Variants in STXBP5 observed in about 807,000 individuals in gnomAD.
The protein encoded by STXBP5 is syntaxin-binding protein 5.
A neutral mutation model predicts 152.4 loss-of-function variants in STXBP5; 50 were observed. The observed-to-expected ratio is 0.33, with a 90% CI of 0.26 to 0.42. STXBP5 has a LOEUF of 0.42. Among genes scored for constraint, STXBP5 ranks in the 10% least tolerant of loss-of-function variants. The probability of loss-of-function intolerance (pLI) is 1.00; values close to 1 mark genes in which losing one functional copy is unlikely to be tolerated. For synonymous variants in STXBP5, 492 were observed against 494.7 expected (o/e 0.99, Z 0.07); for missense variants, 1,167 against 1,388.6 (o/e 0.84, Z 2.54).
intron 21 of STXBP5, among the ~76,000 whole-genome samples, chr6:147,347,142 G>A (rs947772078): frequency 9.8e-5 from 15 of 152,290 alleles, no homozygotes; most frequent in African/African-American, 3.6e-4. Flanking sequence ...TTAAATGCTT[G>A]CATTGGAACT....
At chr6:147,378,401 T>C (rs1015742217) in intron 26 of STXBP5, among the ~76,000 whole-genome samples, 3 of 137,524 alleles carry the variant, frequency 2.2e-5, no homozygotes, top group Non-Finnish European at 4.7e-5. Flanking sequence ...TCAAAGTTGA[T>C]TTATCATTAA....
intron 6 of STXBP5, among the ~76,000 whole-genome samples, chr6:147,263,990 T>C (rs990581293): frequency 6.6e-6 from 1 of 151,848 alleles, no homozygotes; most frequent in African/African-American, 2.4e-5. Context: ...ATCTAACTTA[T>C]AATAAAAATA....
chr6:147,342,379 ATGAATGATCC>A (rs147512318), intron 21 of STXBP5, among the ~76,000 whole-genome samples: 3,308 of 152,314 alleles, frequency 0.022, 61 homozygotes, highest in Middle Eastern at 0.068. Context: ...ACTAAATCAG[ATGAATGATCC>A]TGACAATGAC....
intron 9 of STXBP5, among the ~76,000 whole-genome samples, chr6:147,299,514 ATTAT>A (rs995897774): frequency 3.9e-5 from 6 of 152,052 alleles, no homozygotes; most frequent in Admixed American, 2.6e-4. Context: ...CGAAACCAGC[ATTAT>A]TCTCTTACCA....
intron 25 of STXBP5, among the ~76,000 whole-genome samples, chr6:147,366,624 CCT>C (rs1341548415): frequency 6.6e-6 from 1 of 152,172 alleles, no homozygotes; most frequent in Non-Finnish European, 1.5e-5. Flanking sequence ...GTCAAATCTA[CCT>C]CTCTTTCTTA....
intron 22 of STXBP5, among the ~76,000 whole-genome samples, chr6:147,357,388 C>A (rs1784863444): frequency 6.6e-6 from 1 of 151,916 alleles, no homozygotes; most frequent in Non-Finnish European, 1.5e-5. Context: ...TTATTTCTCA[C>A]AATGAACTGA....
intron 4 of STXBP5, 150 bp downstream of exon 4, chr6:147,239,420 T>C: frequency 1.6e-6 from 1 of 620,126 alleles, no homozygotes; most frequent in Non-Finnish European, 2.6e-6. Context: ...AAAGCAAGAT[T>C]CCTTCTTTTT....
At chr6:147,313,063 T>G (rs1782464493) in intron 11 of STXBP5, among the ~76,000 whole-genome samples, 1 of 152,204 alleles carries the variant, frequency 6.6e-6, no homozygotes, top group Non-Finnish European at 1.5e-5. Context: ...ATTTTATGAA[T>G]GCATGTTGTT....
intron 21 of STXBP5, among the ~76,000 whole-genome samples, chr6:147,349,747 C>T (rs1293581945): frequency 6.6e-6 from 1 of 152,146 alleles, no homozygotes; most frequent in East Asian, 1.9e-4. Flanking sequence ...TATCCCTGCC[C>T]TCTGGCACAT....
At chr6:147,320,228 A>G (rs1782852134) in intron 16 of STXBP5, among the ~76,000 whole-genome samples, 1 of 152,164 alleles carries the variant, frequency 6.6e-6, no homozygotes, top group Non-Finnish European at 1.5e-5. Flanking sequence ...AAAGATGCCA[A>G]CTAGCACAAG....
chr6:147,219,383 T>C (rs1777344521), intron 2 of STXBP5, among the ~76,000 whole-genome samples: 1 of 152,072 alleles, frequency 6.6e-6, no homozygotes, highest in Non-Finnish European at 1.5e-5. Flanking sequence ...TTAGTTTTCT[T>C]TTCTCGTAAT....
At position 147,204,529 on chromosome 6, in the gene STXBP5, G is replaced by T. The variant is rs1354752684; in HGVS notation, c.-4G>T. The stretch of plus-strand genomic sequence containing the variant: ...CCGGGCTGCGGGGGAGCCCCTCCGA[G>T]ACCATGAGGAAATTCAACATCAGGA... On this transcript the variant is annotated 5_prime_UTR_variant, in exon 1 of 28. Coordinates refer to ENST00000321680, the MANE Select transcript of STXBP5 (RefSeq NM_001127715.4). The surrounding 1 kb of genome is among the most constrained non-coding windows in gnomAD (Gnocchi z 4.3). 3.1e-6 allele frequency: 5 copies of T among 1,611,404 alleles called. No homozygotes were observed. The highest frequency in any genetic ancestry group is 1.1e-5 in the South Asian group (1 of 90,964).
At chr6:147,256,753 T>C (rs974910879) in intron 4 of STXBP5, among the ~76,000 whole-genome samples, 6 of 152,188 alleles carry the variant, frequency 3.9e-5, no homozygotes, top group Non-Finnish European at 1.5e-5. Context: ...ATTACTATGA[T>C]AGGTTCCCAT....
At chr6:147,315,781 C>A in intron 15 of STXBP5, 46 bp downstream of exon 15, 1 of 1,555,560 alleles carries the variant, frequency 6.4e-7, no homozygotes. Context: ...TTTTCATCCA[C>A]ATTTTTAAAT....
intron 18 of STXBP5, chr6:147,328,868 G>T (rs1005823213): frequency 6.8e-6 from 3 of 438,156 alleles, no homozygotes; most frequent in South Asian, 5.1e-5. Flanking sequence ...TTATTAAAAC[G>T]TTCTATGTCT....
rs751681955 is a variant in STXBP5, at chr6:147,382,946, G to A, written c.3362G>A (p.Arg1121Lys). 1.1e-5 allele frequency: 17 copies of A among 1,613,348 alleles called. No individual in the cohort carries two copies. The Admixed American group carries it at 2.5e-4, about 24-fold the overall frequency. The change falls in exon 27 of 28, where the codon AGA (arginine) becomes AAA (lysine). Residue 1121 changes from arginine (R) to lysine (K), a missense_variant. Physicochemically the swap from Arg to Lys is conservative, Grantham distance 26 (BLOSUM62 2). Transcript: ENST00000321680. Reference sequence around the variant, plus strand: ...CAGAAACTTGGCGATCTGGAAGAAAGAACTGCGGCCATGTTATCAAGTGCA... The same window carrying A: ...CAGAAACTTGGCGATCTGGAAGAAAAAACTGCGGCCATGTTATCAAGTGCA... ...RGQKLGDLEE[R>K]TAAMLSSAES...
At chr6:147,339,462 C>A (rs907400817) in intron 21 of STXBP5, 78 bp downstream of exon 21, 3 of 1,103,400 alleles carry the variant, frequency 2.7e-6, no homozygotes, top group Admixed American at 7.7e-5. Context: ...TTATCCAGTG[C>A]ATTGCATTTT....
chr6:147,204,426 C>A lies in STXBP5; in HGVS notation c.-107C>A, dbSNP rs1477247762. The A allele has an allele frequency of 9.4e-7, 1 of 1,067,994 alleles. No individual in the cohort carries two copies. Among genetic ancestry groups the A allele is most frequent in the Non-Finnish European group, 1.4e-6 (1 of 729,304 alleles). 66.2% of individuals were successfully genotyped at this position (1,067,994 alleles called of 1,614,324 possible). A position where few individuals can be genotyped will look rare whatever the true frequency, so the allele number is the denominator to read the frequency against. On this transcript the variant is annotated 5_prime_UTR_variant, in exon 1 of 28. Transcript: ENST00000321680. This position sits in a 1 kb window ranked among gnomAD's most constrained non-coding sequence, Gnocchi z 4.3. Reference sequence around the variant, plus strand: ...CTGCCTCCTTACCCTCACACTCCCACTCCTCCGTTTCCGCGGTCGAAGCTG... The same window carrying A: ...CTGCCTCCTTACCCTCACACTCCCAATCCTCCGTTTCCGCGGTCGAAGCTG...
At chr6:147,378,825 T>C (rs1785936080) in intron 26 of STXBP5, among the ~76,000 whole-genome samples, 1 of 152,178 alleles carries the variant, frequency 6.6e-6, no homozygotes, top group Non-Finnish European at 1.5e-5. Context: ...TTTGTGTAGT[T>C]TTCTGTTGCT....
Sources: gnomAD v4.1 joint callset for allele counts (sites outside exome capture counted in the v4.1 genomes callset) on GRCh38, gnomAD v4.1.1 for gene constraint, Gnocchi (gnomAD v3.1) non-coding constraint, MANE v1.5 for transcripts, NCBI Gene and HGNC (gene_info 2026-07-23, HGNC 2026-07-21) for gene names.